PLAC8L1: variants seen among roughly 807,000 people sequenced by gnomAD.
PLAC8L1 encodes the protein PLAC8-like protein 1.
Under a neutral mutation model 16.3 loss-of-function variants are expected in PLAC8L1, and 13 were observed. The observed-to-expected ratio is 0.80, with a 90% CI of 0.52 to 1.27. The LOEUF is 1.27. Ranked by LOEUF, PLAC8L1 falls within the 50% of genes most tolerant of loss-of-function variation. The probability of loss-of-function intolerance (pLI) is 0.00; values close to 1 mark genes in which losing one functional copy is unlikely to be tolerated. For missense variants in PLAC8L1, 184 were observed against 220.2 expected (o/e 0.84, Z 1.04); for synonymous variants, 78 against 79.3 (o/e 0.98, Z 0.09).
At chr5:146,087,876 A>G (rs556513748) in intron 2 of PLAC8L1, among the ~76,000 whole-genome samples, 1 of 152,298 alleles carries the variant, frequency 6.6e-6, no homozygotes, top group Admixed American at 6.5e-5. Flanking sequence ...CTTGTCTTAC[A>G]TGGCCAGGGA....
chr5:146,085,431 G>A (rs774821801), intron 3 of PLAC8L1, 30 bp downstream of exon 3: 36 of 1,598,276 alleles, frequency 2.3e-5, no homozygotes, highest in Admixed American at 5.1e-5. Flanking sequence ...ATACAGATTC[G>A]GGTTCACGTA....
In PLAC8L1 at chr5:146,104,187, C is replaced by G. The variant is rs1185558910; in HGVS notation, c.119+6G>C. On this transcript the variant is annotated splice_donor_region_variant and intron_variant, in intron 1 of 3. Coordinates refer to ENST00000311450, the MANE Select transcript of PLAC8L1 (RefSeq NM_001029869.3). ...AGCTAGGGGAAAAACTCACCCTATTCCCTACCTCAAGTTGGAAATAAAATG... is the reference window on the plus strand; with the variant it reads ...AGCTAGGGGAAAAACTCACCCTATTGCCTACCTCAAGTTGGAAATAAAATG... 1.9e-6 allele frequency: 3 copies of G among 1,612,912 alleles called. No homozygotes were observed. The African/African-American group carries it at 4.0e-5, about 22-fold the overall frequency.
At chr5:146,101,837 A>T (rs10491261) in intron 1 of PLAC8L1, among the ~76,000 whole-genome samples, 1 of 152,048 alleles carries the variant, frequency 6.6e-6, no homozygotes, top group South Asian at 2.1e-4. Context: ...TTCCATCATT[A>T]GGCTAAGAGC....
At chr5:146,091,500 A>G (rs1200496446) in intron 2 of PLAC8L1, among the ~76,000 whole-genome samples, 1 of 152,204 alleles carries the variant, frequency 6.6e-6, no homozygotes, top group Non-Finnish European at 1.5e-5. Flanking sequence ...TTATAAATAT[A>G]GAGAAATATA....
intron 2 of PLAC8L1, among the ~76,000 whole-genome samples, chr5:146,097,637 C>A (rs1198045734): frequency 6.6e-6 from 1 of 152,128 alleles, no homozygotes; most frequent in Non-Finnish European, 1.5e-5. Flanking sequence ...TATGACTTTT[C>A]GTGGCTGTAT....
chr5:146,102,720 C>G (rs2906828), intron 1 of PLAC8L1, among the ~76,000 whole-genome samples: 149,286 of 152,310 alleles, frequency 0.98, 73,240 homozygotes, highest in East Asian at 1. Context: ...AAAAAGCAAA[C>G]ATTTTCATTT....
intron 2 of PLAC8L1, among the ~76,000 whole-genome samples, chr5:146,087,625 C>T (rs922584067): frequency 9.2e-5 from 14 of 152,192 alleles, no homozygotes; most frequent in African/African-American, 3.4e-4. Flanking sequence ...CTCAAGCGAT[C>T]CTCTCATCCT....
At chr5:146,096,463 TTC>T (rs2150036448) in intron 2 of PLAC8L1, among the ~76,000 whole-genome samples, 1 of 152,328 alleles carries the variant, frequency 6.6e-6, no homozygotes, top group African/African-American at 2.4e-5. Context: ...TCTATACATC[TTC>T]TGTTTTCATC....
chr5:146,090,693 A>G (rs368636464), intron 2 of PLAC8L1, among the ~76,000 whole-genome samples: 3 of 152,222 alleles, frequency 2.0e-5, no homozygotes, highest in East Asian at 1.9e-4. Context: ...AATTTGCTCA[A>G]TGTCATTGGA....
rs1763751259 is a variant in PLAC8L1 at position 146,098,286 on chromosome 5, A to T, written c.126T>A (p.His42Gln). 2 of 1,613,796 alleles carry T rather than the reference A, an allele frequency of 1.2e-6. No homozygotes were observed. Among genetic ancestry groups the T allele is most frequent in the African/African-American group, 1.3e-5 (1 of 74,936 alleles). The change falls in exon 2 of 4, where the codon CAT becomes CAA. Residue 42 changes from histidine to glutamine, a missense_variant. Transcript: ENST00000311450. Reference protein sequence around the residue: ...DEHFISNLRGHVPASAVVKQP... With the variant: ...DEHFISNLRGQVPASAVVKQP... ...GCTTCACCACAGCGCTGGCTGGTAC[A>T]TGGCCTCTGGAGAGTCAAGGATGAT... is the stretch of plus-strand genomic sequence containing the variant.
chr5:146,089,778 G>T (rs1323127141), intron 2 of PLAC8L1, among the ~76,000 whole-genome samples: 5 of 143,298 alleles, frequency 3.5e-5, no homozygotes, highest in Non-Finnish European at 6.0e-5. Context: ...TTCCTCTGTC[G>T]CCCAGGCTGG....
rs553025262 is a variant in PLAC8L1 at position 146,103,771 on chromosome 5, C to T, written c.119+422G>A. 68 of 985,414 alleles carry T rather than the reference C, an allele frequency of 6.9e-5. No individual in the cohort carries two copies. In the African/African-American group the frequency reaches 1.1e-3, roughly 16 times the overall value. The allele number at this position is 985,414 out of a possible 1,614,324, so 61.0% of individuals were successfully genotyped here. A position where few individuals can be genotyped will look rare whatever the true frequency, so the allele number is the denominator to read the frequency against. ...TCTCCCACATGCCTGGTTCTTCAGC[C>T]TGGGGTGTTACATGTCACTCTTCCG... On this transcript the variant is annotated intron_variant, in intron 1 of 3. Coordinates refer to ENST00000311450, the MANE Select transcript of PLAC8L1 (RefSeq NM_001029869.3).
intron 2 of PLAC8L1, among the ~76,000 whole-genome samples, chr5:146,088,799 G>T (rs191033018): frequency 6.6e-6 from 1 of 152,194 alleles, no homozygotes; most frequent in East Asian, 1.9e-4. Context: ...CCGGATACCT[G>T]GTATGAACAG....
At chr5:146,102,015 A>G (rs1465722382) in intron 1 of PLAC8L1, among the ~76,000 whole-genome samples, 11 of 151,524 alleles carry the variant, frequency 7.3e-5, no homozygotes. Context: ...ATGGAAAAAG[A>G]AAATGTTTTT....
chr5:146,102,841 A>G (rs1475063478), intron 1 of PLAC8L1, among the ~76,000 whole-genome samples: 1 of 152,198 alleles, frequency 6.6e-6, no homozygotes, highest in African/African-American at 2.4e-5. Context: ...GATTTAAAAT[A>G]TCCTAGCTCC....
intron 2 of PLAC8L1, among the ~76,000 whole-genome samples, chr5:146,097,103 C>T (rs1430510304): frequency 6.6e-6 from 1 of 152,210 alleles, no homozygotes; most frequent in Admixed American, 6.5e-5. Flanking sequence ...CACATACCCT[C>T]CCCCTCCTCC....
At chr5:146,094,981 CTAAA>C (rs1278807414) in intron 2 of PLAC8L1, among the ~76,000 whole-genome samples, 2 of 152,128 alleles carry the variant, frequency 1.3e-5, no homozygotes, top group African/African-American at 2.4e-5. Context: ...GTGATTTACT[CTAAA>C]TAAAACTTTG....
chr5:146,088,151 T>C (rs544149543), intron 2 of PLAC8L1, among the ~76,000 whole-genome samples: 1 of 152,250 alleles, frequency 6.6e-6, no homozygotes, highest in African/African-American at 2.4e-5. Context: ...TTTCTTATCT[T>C]TTGTAGAGAT....
intron 2 of PLAC8L1, among the ~76,000 whole-genome samples, chr5:146,088,632 T>G (rs554836947): frequency 3.2e-4 from 48 of 152,320 alleles, no homozygotes; most frequent in African/African-American, 1.1e-3. Flanking sequence ...GGAACATCTA[T>G]TTCATCTATT....
Sources: gnomAD v4.1 joint callset for allele counts (sites outside exome capture counted in the v4.1 genomes callset) on GRCh38, gnomAD v4.1.1 for gene constraint, MANE v1.5 for transcripts, NCBI Gene and HGNC (gene_info 2026-07-23, HGNC 2026-07-21) for gene names.